FBXL7: variants seen among roughly 807,000 people sequenced by gnomAD.
The protein encoded by FBXL7 is F-box/LRR-repeat protein 7.
In FBXL7, 12 loss-of-function variants were observed where a neutral mutation model predicts 38.3. The observed-to-expected ratio is 0.31, with a 90% CI of 0.20 to 0.51. The LOEUF (loss-of-function observed/expected upper bound fraction) is 0.51, where lower values mean the gene tolerates loss of function less well. FBXL7 is among the 20% of genes least tolerant of loss of function. FBXL7 has a pLI of 0.98. For synonymous variants in FBXL7, 297 were observed against 300.9 expected, an observed-to-expected ratio of 0.99 and a Z score of 0.13; for missense variants, 567 against 676.4, an observed-to-expected ratio of 0.84 and a Z score of 1.79.
chr5:15,522,520 A>G (rs1261019001), intron 1 of FBXL7, among the ~76,000 whole-genome samples: 1 of 152,204 alleles, frequency 6.6e-6, no homozygotes, highest in Admixed American at 6.5e-5. Flanking sequence ...GAAGTTTTAC[A>G]AAAGGAGCCC....
At chr5:15,553,668 G>A (rs1738151469) in intron 1 of FBXL7, among the ~76,000 whole-genome samples, 1 of 152,062 alleles carries the variant, frequency 6.6e-6, no homozygotes, top group Admixed American at 6.5e-5. Context: ...TTAACACTCA[G>A]GTTTCTTAGA....
chr5:15,519,392 C>T lies in FBXL7; in HGVS notation c.37+18679C>T, dbSNP rs561590325. ...ATTTTTAAATTCTCCCGATGTGGTCCAGTAAACTAGTGAGTTGGCTTATGA... is the reference window on the plus strand; with the variant it reads ...ATTTTTAAATTCTCCCGATGTGGTCTAGTAAACTAGTGAGTTGGCTTATGA... On this transcript the variant is annotated intron_variant, in intron 1 of 3. Transcript: ENST00000504595. 3.5e-4 allele frequency among the ~76,000 whole-genome samples: 53 copies of T among 150,080 alleles called. 1 individual carries two copies. The highest frequency in any genetic ancestry group is 4.0e-4 in the Admixed American group (6 of 15,052).
intron 2 of FBXL7, among the ~76,000 whole-genome samples, chr5:15,759,418 G>A (rs948361398): frequency 1.3e-5 from 2 of 151,954 alleles, no homozygotes; most frequent in African/African-American, 2.4e-5. Context: ...CTCTTTTTTA[G>A]ATGTAATTTT....
intron 1 of FBXL7, chr5:15,580,894 T>C: frequency 3.5e-6 from 3 of 869,334 alleles, no homozygotes; most frequent in Non-Finnish European, 4.1e-6. Flanking sequence ...GACAGAAGGT[T>C]GGAATCCTGT....
At chr5:15,619,157 A>C (rs184468610) in intron 2 of FBXL7, among the ~76,000 whole-genome samples, 1 of 152,278 alleles carries the variant, frequency 6.6e-6, no homozygotes, top group South Asian at 2.1e-4. Context: ...ACGCATGCCC[A>C]TCTGAGGATT....
chr5:15,828,413 G>A (rs751347789), intron 2 of FBXL7, among the ~76,000 whole-genome samples: 4 of 152,070 alleles, frequency 2.6e-5, no homozygotes, highest in African/African-American at 7.2e-5. Context: ...ATGAAATTCC[G>A]GTTTCACTGA....
intron 1 of FBXL7, among the ~76,000 whole-genome samples, chr5:15,553,760 G>A (rs976492507): frequency 6.6e-6 from 1 of 152,208 alleles, no homozygotes; most frequent in Non-Finnish European, 1.5e-5. Flanking sequence ...CAGAATGCAA[G>A]GGTAGGAATT....
intron 2 of FBXL7, among the ~76,000 whole-genome samples, chr5:15,773,500 ATC>A (rs988488047): frequency 6.3e-4 from 96 of 151,910 alleles, no homozygotes; most frequent in African/African-American, 2.2e-3. Context: ...TTTTTTAAGT[ATC>A]TAGTCATGGT....
chr5:15,673,985 G>A (rs996588806), intron 2 of FBXL7, among the ~76,000 whole-genome samples: 2 of 152,106 alleles, frequency 1.3e-5, no homozygotes, highest in African/African-American at 4.8e-5. Flanking sequence ...TGCAATGTTG[G>A]GAAAATCAAT....
chr5:15,543,408 C>G (rs1344175722), intron 1 of FBXL7, among the ~76,000 whole-genome samples: 4 of 152,132 alleles, frequency 2.6e-5, no homozygotes, highest in Non-Finnish European at 5.9e-5. Flanking sequence ...ACCCTTGACG[C>G]TTGGGGATTA....
At chr5:15,660,214 CTG>C (rs1742015343) in intron 2 of FBXL7, among the ~76,000 whole-genome samples, 1 of 152,340 alleles carries the variant, frequency 6.6e-6, no homozygotes, top group East Asian at 1.9e-4. Flanking sequence ...CCCATGCCCT[CTG>C]TAAGTTTCCT....
chr5:15,820,860 A>G lies in FBXL7; in HGVS notation c.128-107030A>G, dbSNP rs148719063. ...ATGTTGCAGCAACTTGGCTACACTC[A>G]TCCCACACCCCCAAACTCCACCCTT... On this transcript the variant is annotated intron_variant, in intron 2 of 3. Transcript: ENST00000504595. 3.8e-4 allele frequency among the ~76,000 whole-genome samples: 58 copies of G among 152,198 alleles called. No homozygotes were observed. The East Asian group carries it at 0.01, about 26-fold the overall frequency.
At chr5:15,734,783 G>A (rs1735703305) in intron 2 of FBXL7, among the ~76,000 whole-genome samples, 1 of 152,216 alleles carries the variant, frequency 6.6e-6, no homozygotes, top group South Asian at 2.1e-4. Flanking sequence ...TATTCAAGGA[G>A]CACTCATGTA....
chr5:15,891,903 G>A (rs1740919275), intron 2 of FBXL7, among the ~76,000 whole-genome samples: 1 of 152,222 alleles, frequency 6.6e-6, no homozygotes, highest in Admixed American at 6.5e-5. Context: ...CTGTAGCCAA[G>A]AGGAAAAGTC....
At chr5:15,613,865 G>C (rs58967614) in intron 1 of FBXL7, among the ~76,000 whole-genome samples, 1 of 152,182 alleles carries the variant, frequency 6.6e-6, no homozygotes, top group Non-Finnish European at 1.5e-5. Flanking sequence ...TCTGGAGACC[G>C]ACAAGTCAAA....
chr5:15,560,761 C>G (rs1194099527), intron 1 of FBXL7, among the ~76,000 whole-genome samples: 1 of 152,152 alleles, frequency 6.6e-6, no homozygotes, highest in Non-Finnish European at 1.5e-5. Context: ...CTCTGTTCTT[C>G]TGCAATTTCA....
chr5:15,792,503 G>A (rs1334953309), intron 2 of FBXL7, among the ~76,000 whole-genome samples: 19 of 152,114 alleles, frequency 1.2e-4, no homozygotes, highest in Admixed American at 1.2e-3. Context: ...ATTCATGTGG[G>A]GTGAGGGAAG....
intron 2 of FBXL7, among the ~76,000 whole-genome samples, chr5:15,733,529 C>G (rs575091821): frequency 6.6e-6 from 1 of 152,150 alleles, no homozygotes; most frequent in Admixed American, 6.5e-5. Context: ...GAATGGAACA[C>G]TGTACTGGGA....
intron 2 of FBXL7, among the ~76,000 whole-genome samples, chr5:15,746,472 C>A (rs1483789379): frequency 1.3e-5 from 2 of 151,944 alleles, no homozygotes; most frequent in Non-Finnish European, 2.9e-5. Context: ...AAGGCCCTGG[C>A]AGATTTAGTG....
Sources: gnomAD v4.1 joint callset for allele counts (sites outside exome capture counted in the v4.1 genomes callset) on GRCh38, gnomAD v4.1.1 for gene constraint, MANE v1.5 for transcripts, NCBI Gene and HGNC (gene_info 2026-07-23, HGNC 2026-07-21) for gene names.